SLC12A3: variants seen among roughly 807,000 people sequenced by gnomAD.
The protein encoded by SLC12A3 is solute carrier family 12 member 3.
Under a neutral mutation model 121.0 loss-of-function variants are expected in SLC12A3, and 104 were observed. The ratio of observed to expected loss-of-function variants is 0.86; its 90% CI spans 0.73 to 1.01. The LOEUF is 1.01. Ranked by LOEUF, SLC12A3 falls within the 50% of genes least tolerant of loss-of-function variation. The probability of loss-of-function intolerance (pLI) is 0.00; values close to 1 mark genes in which losing one functional copy is unlikely to be tolerated. For synonymous variants in SLC12A3, 536 were observed against 533.4 expected (o/e 1.00, Z -0.07); for missense variants, 1,328 against 1,356.3 (o/e 0.98, Z 0.33).
chr16:56,878,298 G>T, intron 9 of SLC12A3, 137 bp downstream of exon 9: 3 of 701,488 alleles, frequency 4.3e-6, no homozygotes, highest in Non-Finnish European at 5.1e-6. Context: ...GGCTGGGAGG[G>T]TGTGGCGACC....
At position 56,879,139 on chromosome 16, in the gene SLC12A3, G is replaced by C. The variant is rs1429832884; in HGVS notation, c.1247G>C (p.Cys416Ser). The C allele has an allele frequency of 6.2e-7, 1 of 1,613,914 alleles. No individual in the cohort carries two copies. The highest frequency in any genetic ancestry group is 8.5e-7 in the Non-Finnish European group (1 of 1,180,004). The change falls in exon 10 of 26, where the codon TGC becomes TCC. Residue 416 changes from cysteine (C) to serine (S), a missense_variant. By Grantham distance (112) the Cys-to-Ser change is moderately radical. Transcript: ENST00000563236. ...ACAGTGACCCCTGGCTGGGGTGCCT[G>C]CGAGGGGCTGGCCTGCAGCTATGGC... Reference protein sequence around the residue: ...NDTVTPGWGACEGLACSYGWN... With the variant: ...NDTVTPGWGASEGLACSYGWN...
At chr16:56,879,968 G>A (rs2055216378) in intron 11 of SLC12A3, among the ~76,000 whole-genome samples, 162 bp from the exon 12 acceptor site, 1 of 152,140 alleles carries the variant, frequency 6.6e-6, no homozygotes, top group Non-Finnish European at 1.5e-5. Context: ...AGGGCGGGGA[G>A]GGTGGAGGGG....
At chr16:56,882,768 C>A (rs1450388159) in intron 13 of SLC12A3, among the ~76,000 whole-genome samples, 1 of 151,892 alleles carries the variant, frequency 6.6e-6, no homozygotes, top group African/African-American at 2.4e-5. Flanking sequence ...CATGGTGAAA[C>A]CCTGTCTCTA....
At chr16:56,902,853 T>A (rs940863767) in intron 24 of SLC12A3, among the ~76,000 whole-genome samples, 12 of 152,098 alleles carry the variant, frequency 7.9e-5, no homozygotes, top group African/African-American at 1.9e-4. Context: ...AAGGTATAAT[T>A]AGTCCTGTTA....
intron 25 of SLC12A3, chr16:56,906,837 A>AC: frequency 1.5e-6 from 1 of 666,086 alleles, no homozygotes; most frequent in Non-Finnish European, 2.8e-6. Flanking sequence ...GAAGAAAAAG[A>AC]CCTCAAGAAA....
At position 56,869,768 on chromosome 16, in the gene SLC12A3, C is replaced by CCT. The variant is rs770513014; in HGVS notation, c.547_548dup (p.Ile184ProfsTer119). 7 of 1,614,064 alleles carry CCT rather than the reference C, an allele frequency of 4.3e-6. No homozygotes were observed. The African/African-American group carries it at 9.3e-5, about 22-fold the overall frequency. ...ATCATCCTGCTGTCGGTCACGGTGA[C>CCT]CTCCATCACAGGCCTCTCCATCTCA... is the stretch of plus-strand genomic sequence containing the variant. On this transcript the variant is annotated frameshift_variant, in exon 4 of 26. Transcript: ENST00000563236. LOFTEE classifies it high-confidence loss of function.
chr16:56,886,539 C>T (rs1006965031), intron 16 of SLC12A3, 64 bp downstream of exon 16: 9 of 1,414,296 alleles, frequency 6.4e-6, no homozygotes, highest in Admixed American at 1.7e-5. Context: ...AAACCCAGCA[C>T]TCTGGGGAGC....
At position 56,870,628 on chromosome 16, in the gene SLC12A3, G is replaced by A. The variant is rs753403903; in HGVS notation, c.744G>A (p.Glu248=). The change falls in exon 6 of 26, where the codon GAG becomes GAA. Residue 248 remains glutamate, a splice_region_variant and synonymous_variant. Coordinates refer to ENST00000563236, the MANE Select transcript of SLC12A3 (RefSeq NM_001126108.2). The part of the protein sequence containing the change: ...FAETVRDLLQ[E]YGAPIVDPIN... ...CCTGGCCCATTTTCCCTCCCCAGGA[G>A]TATGGGGCACCCATCGTGGACCCCA... 25 of 1,596,808 alleles carry A rather than the reference G, an allele frequency of 1.6e-5. No homozygotes were observed. In the South Asian group the frequency reaches 2.2e-4, roughly 14 times the overall value.
At chr16:56,874,673 T>A (rs745635186) in intron 8 of SLC12A3, among the ~76,000 whole-genome samples, 2 of 152,094 alleles carry the variant, frequency 1.3e-5, no homozygotes, top group Non-Finnish European at 2.9e-5. Flanking sequence ...GGTGTGGTGG[T>A]GGGTTCCTGT....
At chr16:56,912,632 CTG>C (rs1277171040) in intron 25 of SLC12A3, among the ~76,000 whole-genome samples, 1 of 152,230 alleles carries the variant, frequency 6.6e-6, no homozygotes, top group Non-Finnish European at 1.5e-5. Flanking sequence ...CTGTATCAGA[CTG>C]TGTTCTAGGC....
In SLC12A3 at chr16:56,902,381, G is replaced by A. The variant is rs1248240179; in HGVS notation, c.2729G>A (p.Arg910Lys). Residue 910 changes from arginine to lysine, a missense_variant, in exon 24 of 26, where the codon AGG becomes AAG. Arg to Lys is a conservative substitution (Grantham distance 26, BLOSUM62 2). Coordinates refer to ENST00000563236, the MANE Select transcript of SLC12A3 (RefSeq NM_001126108.2). ...CACTTTCTCGTCCCCAGCACCAAGA[G>A]GTTTGAGGACATGATTGCACCCTTC... Reference protein sequence around the residue: ...NQNPRAEHTKRFEDMIAPFRL... With the variant: ...NQNPRAEHTKKFEDMIAPFRL... 1 of 1,614,116 alleles carries A rather than the reference G, an allele frequency of 6.2e-7. No individual in the cohort carries two copies. The highest frequency in any genetic ancestry group is 1.7e-5 in the Admixed American group (1 of 60,016).
At chr16:56,899,694 T>C in intron 23 of SLC12A3, 78 bp downstream of exon 23, 1 of 1,022,772 alleles carries the variant, frequency 9.8e-7, no homozygotes, top group Non-Finnish European at 1.6e-6. Flanking sequence ...GCCCCCTTTT[T>C]CCTTGGTAGA....
At chr16:56,879,414 G>T in intron 10 of SLC12A3, 128 bp from the exon 11 acceptor site, 1 of 1,061,522 alleles carries the variant, frequency 9.4e-7, no homozygotes, top group East Asian at 2.5e-5. Flanking sequence ...GGATCTCCAG[G>T]GGTGGGTTGT....
chr16:56,868,989 T>G (rs1487140948), intron 3 of SLC12A3, among the ~76,000 whole-genome samples: 1 of 149,456 alleles, frequency 6.7e-6, no homozygotes, highest in African/African-American at 2.5e-5. Flanking sequence ...AAATAAAAAA[T>G]AAAAAAGAAA....
rs151095762 is a variant in SLC12A3, at chr16:56,879,611, G to A, written c.1405G>A (p.Ala469Thr). Reference sequence around the variant, plus strand: ...CATCTTCGGGGCCACCCTCTCCTCTGCCCTGGCCTGCCTTGTCTCTGCTGC... The same window carrying A: ...CATCTTCGGGGCCACCCTCTCCTCTACCCTGGCCTGCCTTGTCTCTGCTGC... ...AGIFGATLSSALACLVSAAKV... is the reference protein window; with the variant it reads ...AGIFGATLSSTLACLVSAAKV... Residue 469 changes from alanine (A) to threonine (T), a missense_variant, in exon 11 of 26, where the codon GCC becomes ACC. Ala to Thr is a moderately conservative substitution (Grantham distance 58). Transcript: ENST00000563236. 80 of 1,613,544 alleles carry A rather than the reference G, an allele frequency of 5.0e-5. 1 individual carries two copies. Among genetic ancestry groups the A allele is most frequent in the Non-Finnish European group, 5.4e-5 (64 of 1,179,978 alleles).
chr16:56,902,087 G>A, intron 23 of SLC12A3: 1 of 457,938 alleles, frequency 2.2e-6, no homozygotes, highest in Non-Finnish European at 4.1e-6. Context: ...TCACTGTTGT[G>A]TAGCACAGAG....
intron 24 of SLC12A3, 92 bp downstream of exon 24, chr16:56,902,600 C>T: frequency 5.4e-6 from 8 of 1,484,600 alleles, no homozygotes; most frequent in South Asian, 3.5e-5. Context: ...CCCCTCCCCT[C>T]GATCCTCCAC....
chr16:56,905,986 C>A (rs2055603556), intron 25 of SLC12A3, among the ~76,000 whole-genome samples: 1 of 152,158 alleles, frequency 6.6e-6, no homozygotes, highest in African/African-American at 2.4e-5. Flanking sequence ...AGAAGGTCCC[C>A]AAAAACCTAG....
intron 22 of SLC12A3, among the ~76,000 whole-genome samples, chr16:56,895,970 G>A (rs2055456466): frequency 6.6e-6 from 1 of 152,140 alleles, no homozygotes; most frequent in South Asian, 2.1e-4. Context: ...GATCTGACAG[G>A]AGGCAGAGGT....
Sources: allele counts gnomAD v4.1 joint callset (sites outside exome capture counted in the v4.1 genomes callset), GRCh38; gene constraint gnomAD v4.1.1; transcripts MANE v1.5; gene names NCBI Gene and HGNC (gene_info 2026-07-23, HGNC 2026-07-21).